PRKD1: variants seen among roughly 807,000 people sequenced by gnomAD.
PRKD1 encodes the protein protein kinase D1.
A neutral mutation model predicts 95.9 loss-of-function variants in PRKD1; 63 were observed. The ratio of observed to expected loss-of-function variants is 0.66; its 90% CI spans 0.54 to 0.81. The LOEUF is 0.81. Ranked by LOEUF, PRKD1 falls within the 30% of genes least tolerant of loss-of-function variation. PRKD1 has a pLI of 0.00. For synonymous variants in PRKD1, 425 were observed against 423.1 expected (o/e 1.00, Z -0.05); for missense variants, 1,048 against 1,165.3 (o/e 0.90, Z 1.47).
chr14:29,858,198 C>T (rs1892577239), intron 1 of PRKD1, among the ~76,000 whole-genome samples: 1 of 152,160 alleles, frequency 6.6e-6, no homozygotes, highest in Non-Finnish European at 1.5e-5. Context: ...TGATTAGACT[C>T]ACCCCTGATC....
chr14:29,614,039 T>C (rs1442643406), intron 13 of PRKD1, among the ~76,000 whole-genome samples: 1 of 152,228 alleles, frequency 6.6e-6, no homozygotes, highest in Non-Finnish European at 1.5e-5. Context: ...TGTCTAAGAA[T>C]ATCCTGTGGT....
intron 2 of PRKD1, 135 bp from the exon 3 acceptor site, chr14:29,666,343 G>T: frequency 1.1e-6 from 1 of 902,362 alleles, no homozygotes; most frequent in Non-Finnish European, 1.5e-6. Context: ...ATGCAACACA[G>T]CTTGCACTTT....
intron 16 of PRKD1, among the ~76,000 whole-genome samples, chr14:29,590,452 A>G (rs1330814779): frequency 6.6e-6 from 1 of 152,148 alleles, no homozygotes; most frequent in African/African-American, 2.4e-5. Context: ...CACACATAAC[A>G]CCACTCATTC....
intron 1 of PRKD1, among the ~76,000 whole-genome samples, chr14:29,771,206 C>T (rs1194704522): frequency 6.6e-6 from 1 of 152,076 alleles, no homozygotes; most frequent in African/African-American, 2.4e-5. Flanking sequence ...GATAAAGAGA[C>T]TGTTATGGTT....
intron 1 of PRKD1, among the ~76,000 whole-genome samples, chr14:29,887,535 C>T (rs1893761883): frequency 6.6e-6 from 1 of 152,120 alleles, no homozygotes; most frequent in South Asian, 2.1e-4. Context: ...ATGACAGATA[C>T]AACGATACAT....
rs536097383 is a variant in PRKD1 at position 29,896,852 on chromosome 14, T to C, written c.264+30397A>G. ...TAATGTTTAGCAGAAGAATAGGGGG[T>C]AGGTGGGTAGAAAGGATATGGGACA... On this transcript the variant is annotated intron_variant, in intron 1 of 17. Transcript: ENST00000331968. Among the ~76,000 whole-genome samples the C allele has an allele frequency of 4.0e-5, 6 of 150,984 alleles. No homozygotes were observed. The South Asian group carries it at 8.4e-4, about 21-fold the overall frequency.
At chr14:29,838,423 G>A (rs1445024815) in intron 1 of PRKD1, among the ~76,000 whole-genome samples, 3 of 152,126 alleles carry the variant, frequency 2.0e-5, no homozygotes, top group Admixed American at 2.0e-4. Context: ...AGATAGAATT[G>A]AGGCCCCCTG....
At chr14:29,826,816 C>CATAT (rs1173701577) in intron 1 of PRKD1, among the ~76,000 whole-genome samples, 1 of 31,160 alleles carries the variant, frequency 3.2e-5, no homozygotes, top group East Asian at 1.1e-3. Flanking sequence ...TATATATACA[C>CATAT]ATATATATAT....
At chr14:29,804,443 T>C (rs902399168) in intron 1 of PRKD1, among the ~76,000 whole-genome samples, 3 of 152,088 alleles carry the variant, frequency 2.0e-5, no homozygotes, top group Non-Finnish European at 4.4e-5. Flanking sequence ...CACGAACATG[T>C]CCAATGTCTT....
intron 1 of PRKD1, among the ~76,000 whole-genome samples, chr14:29,753,103 T>C (rs1002071069): frequency 4.6e-5 from 7 of 152,106 alleles, no homozygotes; most frequent in South Asian, 2.1e-4. Flanking sequence ...CAAGTCAATA[T>C]GGTTTAAAAA....
At chr14:29,800,778 T>G (rs1032327029) in intron 1 of PRKD1, among the ~76,000 whole-genome samples, 9 of 152,314 alleles carry the variant, frequency 5.9e-5, no homozygotes, top group Admixed American at 2.0e-4. Context: ...TGACCAACTT[T>G]AAGTTGTGAC....
intron 4 of PRKD1, among the ~76,000 whole-genome samples, chr14:29,663,148 CATATAT>C (rs61506580): frequency 2.3e-5 from 3 of 131,662 alleles, no homozygotes; most frequent in African/African-American, 5.7e-5. Flanking sequence ...AATATTCTTC[CATATAT>C]ATATATATAT....
intron 9 of PRKD1, 120 bp from the exon 10 acceptor site, chr14:29,631,141 C>G: frequency 2.0e-6 from 2 of 987,466 alleles, no homozygotes; most frequent in East Asian, 2.6e-5. Context: ...AAATAAAATA[C>G]TTTTAAACTA....
intron 1 of PRKD1, among the ~76,000 whole-genome samples, chr14:29,726,552 C>T (rs1041252587): frequency 1.3e-5 from 2 of 152,088 alleles, no homozygotes; most frequent in African/African-American, 2.4e-5. Flanking sequence ...ACAGGTGGAC[C>T]TTAAGAAGCT....
chr14:29,840,816 G>C (rs77474206), intron 1 of PRKD1, among the ~76,000 whole-genome samples: 17,131 of 152,198 alleles, frequency 0.11, 1,091 homozygotes, highest in East Asian at 0.25. Context: ...ACTATGACGA[G>C]AACAGCACGG....
At chr14:29,853,860 T>C (rs1023035160) in intron 1 of PRKD1, among the ~76,000 whole-genome samples, 5 of 152,120 alleles carry the variant, frequency 3.3e-5, no homozygotes, top group Admixed American at 2.0e-4. Context: ...CTGATGGTTT[T>C]AAAAACAGGA....
chr14:29,671,158 TA>T (rs1272876006), intron 2 of PRKD1, among the ~76,000 whole-genome samples: 2 of 151,692 alleles, frequency 1.3e-5, no homozygotes, highest in African/African-American at 2.4e-5. Context: ...GGTTAGAGAT[TA>T]AAAAAAATAT....
chr14:29,622,466 C>T (rs761453912), intron 13 of PRKD1, among the ~76,000 whole-genome samples: 72 of 150,378 alleles, frequency 4.8e-4, no homozygotes, highest in Non-Finnish European at 8.3e-4. Context: ...GGCAATGGCA[C>T]GATCTTGGCT....
At chr14:29,630,526 A>G in intron 10 of PRKD1, 4 of 584,092 alleles carry the variant, frequency 6.8e-6, no homozygotes, top group Non-Finnish European at 2.9e-6. Context: ...AAATTTTAAT[A>G]TAAAATAGCT....
Sources: allele counts gnomAD v4.1 joint callset (sites outside exome capture counted in the v4.1 genomes callset), GRCh38; gene constraint gnomAD v4.1.1; transcripts MANE v1.5; gene names NCBI Gene and HGNC (gene_info 2026-07-23, HGNC 2026-07-21).